The following EXD3 variants were observed in gnomAD, a reference collection of about 807,000 sequenced individuals.
The protein encoded by EXD3 is exonuclease 3'-5' domain containing 3, also known as exonuclease mut-7 homolog.
EXD3 carries 92 observed loss-of-function variants against 98.0 expected under a neutral mutation model. That is an observed-to-expected ratio of 0.94 (90% CI 0.79 to 1.12). The LOEUF (loss-of-function observed/expected upper bound fraction) is 1.12. EXD3 is among the 50% of genes most tolerant of loss of function. The pLI, the probability that EXD3 is intolerant of heterozygous loss-of-function variation, is 0.00. For synonymous variants in EXD3, 569 were observed against 526.0 expected, an observed-to-expected ratio of 1.08 and a Z score of -1.12; for missense variants, 1,222 against 1,191.6, an observed-to-expected ratio of 1.03 and a Z score of -0.38.
intron 1 of EXD3, among the ~76,000 whole-genome samples, chr9:137,410,530 C>T (rs991318476): frequency 6.6e-6 from 1 of 151,546 alleles, no homozygotes; most frequent in Non-Finnish European, 1.5e-5. Context: ...TTTTAAGTGT[C>T]TTCATTTCTT....
intron 17 of EXD3, among the ~76,000 whole-genome samples, chr9:137,340,015 G>A (rs1014225138): frequency 1.8e-4 from 28 of 152,216 alleles, no homozygotes; most frequent in African/African-American, 6.3e-4. Flanking sequence ...TAAGAGCCAG[G>A]GGCATTTAGC....
intron 10 of EXD3, chr9:137,353,599 C>T (rs534972609): frequency 4.8e-5 from 47 of 986,000 alleles, no homozygotes; most frequent in Admixed American, 4.3e-4. Context: ...TCTCCCACCC[C>T]GCAGCCACCG....
chr9:137,309,515 G>T, intron 20 of EXD3, 92 bp downstream of exon 20: 1 of 1,059,430 alleles, frequency 9.4e-7, no homozygotes, highest in Non-Finnish European at 1.4e-6. Context: ...GAAGCTCAGT[G>T]CTGGACGGGC....
At chr9:137,344,135 C>T (rs530980315) in intron 17 of EXD3, among the ~76,000 whole-genome samples, 7 of 151,924 alleles carry the variant, frequency 4.6e-5, no homozygotes, top group Non-Finnish European at 8.8e-5. Context: ...TGGTGATCCG[C>T]CCACCTCGGC....
intron 12 of EXD3, among the ~76,000 whole-genome samples, 174 bp from the exon 13 acceptor site, chr9:137,351,702 C>T (rs1428999613): frequency 6.6e-6 from 1 of 152,228 alleles, no homozygotes; most frequent in Non-Finnish European, 1.5e-5. Flanking sequence ...GCTCCAGCTG[C>T]CCCCTGCTTT....
At chr9:137,354,240 C>G (rs1017304561) in intron 10 of EXD3, 99 bp downstream of exon 10, 1 of 1,537,920 alleles carries the variant, frequency 6.5e-7, no homozygotes, top group South Asian at 1.2e-5. Context: ...CAGCGAAGGC[C>G]TCAGCTCTGC....
At position 137,387,162 on chromosome 9, in the gene EXD3, G is replaced by T. The variant is rs759350808; in HGVS notation, c.56-3785C>A. 1.1e-3 allele frequency among the ~76,000 whole-genome samples: 83 copies of T among 76,828 alleles called. 4 individuals are homozygous for T. The Middle Eastern group carries it at 0.036, about 33-fold the overall frequency. 50.4% of individuals were successfully genotyped at this position (76,828 alleles called of 152,430 possible). On this transcript the variant is annotated intron_variant, in intron 2 of 21. Transcript: ENST00000340951. Reference sequence around the variant, plus strand: ...GTTCCCTGCCTGGCCCTCGGCCCCCGCTCCCTGCCTGGCCCCCGGCCCCTG... The same window carrying T: ...GTTCCCTGCCTGGCCCTCGGCCCCCTCTCCCTGCCTGGCCCCCGGCCCCTG...
rs896754514 is a variant in EXD3, at chr9:137,395,094, T to A, written c.55+209A>T. Among the ~76,000 whole-genome samples the A allele has an allele frequency of 1.3e-5, 2 of 151,836 alleles. No individual in the cohort carries two copies. The highest frequency in any genetic ancestry group is 4.8e-5 in the African/African-American group (2 of 41,306). On this transcript the variant is annotated intron_variant, in intron 2 of 21. Coordinates refer to ENST00000340951, the MANE Select transcript of EXD3 (RefSeq NM_017820.5). This position sits in a 1 kb window ranked among gnomAD's most constrained non-coding sequence, Gnocchi z 6.5. ...CGCTGGGGCCCAAGGAGGCGGCCTG[T>A]CCTGACCCCCGAGGACAACAAGGCC...
chr9:137,347,328 T>C lies in EXD3; in HGVS notation c.1998+743A>G, dbSNP rs907068412. ...TCAGGTGTTGGCAGAATCTGGCTGC[T>C]TGTGGCTGTTGGACTGAGGTTTCCT... On this transcript the variant is annotated intron_variant, in intron 17 of 21. Coordinates refer to ENST00000340951, the MANE Select transcript of EXD3 (RefSeq NM_017820.5). This position sits in a 1 kb window ranked among gnomAD's most constrained non-coding sequence, Gnocchi z 4.2. Among the ~76,000 whole-genome samples, 40 of 152,144 alleles carry C rather than the reference T, an allele frequency of 2.6e-4. No individual in the cohort carries two copies. The highest frequency in any genetic ancestry group is 9.4e-4 in the African/African-American group (39 of 41,458).
chr9:137,337,435 A>G (rs571766430), intron 17 of EXD3, among the ~76,000 whole-genome samples: 6 of 152,140 alleles, frequency 3.9e-5, no homozygotes, highest in South Asian at 4.2e-4. Flanking sequence ...GGCGGATCAC[A>G]AGGTCAGGAG....
At chr9:137,314,980 A>G (rs1178537034) in intron 19 of EXD3, among the ~76,000 whole-genome samples, 1 of 152,172 alleles carries the variant, frequency 6.6e-6, no homozygotes, top group Non-Finnish European at 1.5e-5. Flanking sequence ...GGTGTGAGCC[A>G]GGAAGCGTGT....
chr9:137,390,163 G>T (rs1389811796), intron 2 of EXD3, among the ~76,000 whole-genome samples: 1 of 144,424 alleles, frequency 6.9e-6, no homozygotes, highest in Admixed American at 7.1e-5. Flanking sequence ...GGGCGCGGTG[G>T]CTCACACCTG....
chr9:137,312,592 T>C (rs907045040), intron 19 of EXD3, among the ~76,000 whole-genome samples: 4 of 152,042 alleles, frequency 2.6e-5, no homozygotes, highest in Non-Finnish European at 4.4e-5. Context: ...CAGGGCCCTC[T>C]CCTCTCCAGG....
chr9:137,360,741 G>C lies in EXD3; in HGVS notation c.657-4373C>G, dbSNP rs1361874276. ...CTCCCAAAGTGCTGGGAATACAGGT[G>C]TGAGCCACCGCACCCAGCCTTTATT... is the stretch of plus-strand genomic sequence containing the variant. On this transcript the variant is annotated intron_variant, in intron 7 of 21. Coordinates refer to ENST00000340951, the MANE Select transcript of EXD3 (RefSeq NM_017820.5). 2.3e-5 allele frequency among the ~76,000 whole-genome samples: 2 copies of C among 85,712 alleles called. 1 individual carries two copies. Among genetic ancestry groups the C allele is most frequent in the African/African-American group, 6.5e-5 (2 of 30,908 alleles). 56.2% of individuals were successfully genotyped at this position (85,712 alleles called of 152,430 possible).
rs1832257415 is a variant in EXD3, at chr9:137,324,214, C to T, written c.1999-71G>A. 3.7e-6 allele frequency: 5 copies of T among 1,344,486 alleles called. No individual in the cohort carries two copies. In the East Asian group the frequency reaches 7.5e-5, roughly 20 times the overall value. The allele number at this position is 1,344,486 out of a possible 1,614,324, so 83.3% of individuals were successfully genotyped here. On this transcript the variant is annotated intron_variant, in intron 17 of 21. Coordinates refer to ENST00000340951, the MANE Select transcript of EXD3 (RefSeq NM_017820.5). This position sits in a 1 kb window ranked among gnomAD's most constrained non-coding sequence, Gnocchi z 4.1. ...TCCTGGACTGGGCCACCTCTGCTCGCCACCCCCTAGCTCCCCGGATCGTGG... is the reference window on the plus strand; with the variant it reads ...TCCTGGACTGGGCCACCTCTGCTCGTCACCCCCTAGCTCCCCGGATCGTGG...
intron 19 of EXD3, among the ~76,000 whole-genome samples, chr9:137,319,037 C>T (rs1564467228): frequency 6.6e-6 from 1 of 152,254 alleles, no homozygotes; most frequent in South Asian, 2.1e-4. Context: ...GGAAAGTCAG[C>T]CCGGCGGCAG....
intron 7 of EXD3, among the ~76,000 whole-genome samples, chr9:137,361,522 T>C (rs78912155): frequency 3.5e-5 from 1 of 28,918 alleles, no homozygotes. Context: ...CCAAGGTGGG[T>C]GGATTACGAG....
chr9:137,341,369 CTG>C (rs1395307725), intron 17 of EXD3, among the ~76,000 whole-genome samples: 5 of 152,210 alleles, frequency 3.3e-5, no homozygotes, highest in Non-Finnish European at 4.4e-5. Flanking sequence ...CAAGATCATC[CTG>C]AGGTGATTCA....
At chr9:137,319,079 G>A (rs890058876) in intron 19 of EXD3, among the ~76,000 whole-genome samples, 10 of 152,356 alleles carry the variant, frequency 6.6e-5, no homozygotes, top group African/African-American at 1.9e-4. Flanking sequence ...AGCTCTGGCC[G>A]GAGCTAGGGG....
Sources: allele counts gnomAD v4.1 joint callset (sites outside exome capture counted in the v4.1 genomes callset), GRCh38; gene constraint gnomAD v4.1.1; non-coding constraint Gnocchi (gnomAD v3.1); transcripts MANE v1.5; gene names NCBI Gene and HGNC (gene_info 2026-07-23, HGNC 2026-07-21).